Variants in ADGRB2 observed in about 807,000 individuals in gnomAD.
ADGRB2 encodes the protein brain-specific angiogenesis inhibitor 2.
ADGRB2 carries 47 observed loss-of-function variants against 178.7 expected under a neutral mutation model. That is an observed-to-expected ratio of 0.26 (90% CI 0.21 to 0.34). ADGRB2 has a LOEUF of 0.34. Among genes scored for constraint, ADGRB2 ranks in the 10% least tolerant of loss-of-function variants. The probability of loss-of-function intolerance (pLI) is 1.00; values close to 1 mark genes in which losing one functional copy is unlikely to be tolerated. For synonymous variants in ADGRB2, 870 were observed against 912.4 expected, an observed-to-expected ratio of 0.95 and a Z score of 0.84; for missense variants, 1,584 against 2,180.8, an observed-to-expected ratio of 0.73 and a Z score of 5.45.
At chr1:31,738,076 C>T in intron 18 of ADGRB2, 124 bp downstream of exon 18, 1 of 1,405,536 alleles carries the variant, frequency 7.1e-7, no homozygotes, top group Non-Finnish European at 9.6e-7. Context: ...ACGTACAATC[C>T]CACAAGCGCA....
Position 31,740,895 on chromosome 1 carries a change from G to GCACACACACATACACA in ADGRB2, c.1795-355_1795-354insTGTGTATGTGTGTGTG, listed in dbSNP as rs1553185116. Among the ~76,000 whole-genome samples the GCACACACACATACACA allele has an allele frequency of 2.1e-5, 3 of 140,482 alleles. No homozygotes were observed. In the South Asian group the frequency reaches 7.1e-4, roughly 33 times the overall value. 92.2% of individuals were successfully genotyped at this position (140,482 alleles called of 152,430 possible). A position where few individuals can be genotyped will look rare whatever the true frequency, so the allele number is the denominator to read the frequency against. ...AATGAGCATGTGTGTGGGCGCGCGC[G>GCACACACACATACACA]CACACACACACACACACACACACAC... is the stretch of plus-strand genomic sequence containing the variant. On this transcript the variant is annotated intron_variant, in intron 11 of 32. Transcript: ENST00000373658. The surrounding 1 kb of genome is among the most constrained non-coding windows in gnomAD (Gnocchi z 5.9).
rs1223058390 is a variant in ADGRB2, at chr1:31,759,252, C to G, written c.-190-1741G>C. On this transcript the variant is annotated intron_variant, in intron 1 of 32. Transcript: ENST00000373658. This position sits in a 1 kb window ranked among gnomAD's most constrained non-coding sequence, Gnocchi z 4.3. ...ACACTCAGGAGTTAACACGCACACACAGGGGTGTAGAGGCTTACACTTGTA... is the reference window on the plus strand; with the variant it reads ...ACACTCAGGAGTTAACACGCACACAGAGGGGTGTAGAGGCTTACACTTGTA... The G allele has an allele frequency of 1.3e-6, 1 of 775,006 alleles. No homozygotes were observed. Among genetic ancestry groups the G allele is most frequent in the Non-Finnish European group, 2.4e-6 (1 of 414,332 alleles). 48.0% of individuals were successfully genotyped at this position (775,006 alleles called of 1,614,324 possible).
At chr1:31,762,188 G>C (rs74065920) in intron 1 of ADGRB2, among the ~76,000 whole-genome samples, 10,629 of 152,072 alleles carry the variant, frequency 0.07, 1,167 homozygotes, top group African/African-American at 0.23. Context: ...ACAGAAAGGG[G>C]GCAGAAGAGA....
intron 4 of ADGRB2, among the ~76,000 whole-genome samples, chr1:31,751,958 A>G (rs962382560): frequency 3.9e-5 from 6 of 151,930 alleles, no homozygotes; most frequent in African/African-American, 1.5e-4. Context: ...CTCTCACTGA[A>G]CCCTCCCCAC....
intron 4 of ADGRB2, among the ~76,000 whole-genome samples, chr1:31,748,708 C>T (rs145844814): frequency 2.0e-5 from 3 of 152,382 alleles, no homozygotes; most frequent in South Asian, 2.1e-4. Flanking sequence ...TCAGCTTTCC[C>T]GTCGGGCTGC....
intron 4 of ADGRB2, among the ~76,000 whole-genome samples, chr1:31,745,760 G>A (rs929558854): frequency 4.6e-5 from 7 of 152,204 alleles, no homozygotes; most frequent in Non-Finnish European, 8.8e-5. Flanking sequence ...GTACTGGACA[G>A]GCACGCTGAG....
rs1645267230 is a variant in ADGRB2, at chr1:31,731,244, C to T, written c.3936G>A (p.Leu1312=). The T allele has an allele frequency of 6.2e-7, 1 of 1,607,828 alleles. No homozygotes were observed. Among genetic ancestry groups the T allele is most frequent in the Admixed American group, 1.7e-5 (1 of 59,388 alleles). Residue 1312 remains leucine (L), a synonymous_variant, in exon 29 of 33, where the codon CTG becomes CTA. Coordinates refer to ENST00000373658, the MANE Select transcript of ADGRB2 (RefSeq NM_001364857.2). Reference sequence around the variant, plus strand: ...CCTCCTGTGGGGGCGGAGGCTCCCCCAGCCCTGGTGAGGCTGCCATGGGCA... The same window carrying T: ...CCTCCTGTGGGGGCGGAGGCTCCCCTAGCCCTGGTGAGGCTGCCATGGGCA... The part of the protein sequence containing the change: ...ILVPMAASPG[L]GEPPPPQEAN...
rs1156637262 is a variant in ADGRB2, at chr1:31,753,629, G to A, written c.838+2370C>T. On this transcript the variant is annotated intron_variant, in intron 4 of 32. Coordinates refer to ENST00000373658, the MANE Select transcript of ADGRB2 (RefSeq NM_001364857.2). This position sits in a 1 kb window ranked among gnomAD's most constrained non-coding sequence, Gnocchi z 4.1. ...TGCTCTCAGTCTGGCAGCTGCAGGT[G>A]CCAGTCCATTCTCCTGCAGCCCAGT... 6.6e-6 allele frequency among the ~76,000 whole-genome samples: 1 copy of A among 152,200 alleles called. No individual in the cohort carries two copies. Among genetic ancestry groups the A allele is most frequent in the Non-Finnish European group, 1.5e-5 (1 of 68,028 alleles).
intron 4 of ADGRB2, among the ~76,000 whole-genome samples, chr1:31,747,963 CT>C (rs990786414): frequency 6.6e-6 from 1 of 152,260 alleles, no homozygotes; most frequent in Admixed American, 6.5e-5. Flanking sequence ...GCAAATCCAG[CT>C]GAGAGTCCTC....
chr1:31,740,456 G>C lies in ADGRB2; in HGVS notation c.1880C>G (p.Ala627Gly), dbSNP rs747902956. The C allele has an allele frequency of 1.9e-6, 3 of 1,613,572 alleles. No individual in the cohort carries two copies. Among genetic ancestry groups the C allele is most frequent in the Non-Finnish European group, 2.5e-6 (3 of 1,179,932 alleles). ...QVVRSLQELLARRTYYSGDLL... is the reference protein window; with the variant it reads ...QVVRSLQELLGRRTYYSGDLL... ...GTCCCCACTATAGTAGGTGCGCCGGGCCAGTAGCTCCTGCAGGCTGCGCAC... is the reference window on the plus strand; with the variant it reads ...GTCCCCACTATAGTAGGTGCGCCGGCCCAGTAGCTCCTGCAGGCTGCGCAC... Residue 627 changes from alanine to glycine, a missense_variant, in exon 12 of 33, where the codon GCC becomes GGC. Ala to Gly is a moderately conservative substitution (Grantham distance 60). This residue lies in a region of ADGRB2 where 62 missense variants were observed against 140.3 expected (regional missense o/e 0.44). Transcript: ENST00000373658. This position sits in a 1 kb window ranked among gnomAD's most constrained non-coding sequence, Gnocchi z 5.9.
rs553216201 is a variant in ADGRB2 at position 31,740,477 on chromosome 1, C to T, written c.1859G>A (p.Arg620His). ...LAGEGMSQVV[R>H]SLQELLARRT... ...CCGGGCCAGTAGCTCCTGCAGGCTG[C>T]GCACCACCTGCGACATGCCCTCGCC... Residue 620 changes from arginine to histidine, a missense_variant, in exon 12 of 33, where the codon CGC becomes CAC. Transcript: ENST00000373658. The surrounding 1 kb of genome is among the most constrained non-coding windows in gnomAD (Gnocchi z 5.9). 2.5e-6 allele frequency: 4 copies of T among 1,613,058 alleles called. No homozygotes were observed. The highest frequency in any genetic ancestry group is 1.7e-5 in the Admixed American group (1 of 59,932).
At position 31,758,887 on chromosome 1, in the gene ADGRB2, G is replaced by T. The variant is rs527982749; in HGVS notation, c.-190-1376C>A. On this transcript the variant is annotated intron_variant, in intron 1 of 32. Transcript: ENST00000373658. This position sits in a 1 kb window ranked among gnomAD's most constrained non-coding sequence, Gnocchi z 4.2. The stretch of plus-strand genomic sequence containing the variant: ...CCACACTGCTCAGCTCGCCCCACCT[G>T]CTGCGGCACTAGCCAAGCCAGCGGC... Among the ~76,000 whole-genome samples the T allele has an allele frequency of 6.6e-6, 1 of 152,314 alleles. No homozygotes were observed. The highest frequency in any genetic ancestry group is 2.4e-5 in the African/African-American group (1 of 41,558).
At chr1:31,730,762 A>C in intron 29 of ADGRB2, 38 bp downstream of exon 29, 2 of 1,419,050 alleles carry the variant, frequency 1.4e-6, no homozygotes, top group Non-Finnish European at 1.8e-6. Flanking sequence ...TGATTGACAC[A>C]GTCTCAGACA....
rs148253895 is a variant in ADGRB2 at position 31,728,879 on chromosome 1, A to C, written c.4381-246T>G. ...TGGCATGGTGCGGACTTCCAACATG[A>C]CAGGCCCAGATGCCCACATGGAATC... is the stretch of plus-strand genomic sequence containing the variant. On this transcript the variant is annotated intron_variant, in intron 29 of 32. Coordinates refer to ENST00000373658, the MANE Select transcript of ADGRB2 (RefSeq NM_001364857.2). The surrounding 1 kb of genome is among the most constrained non-coding windows in gnomAD (Gnocchi z 6.7). Among the ~76,000 whole-genome samples the C allele has an allele frequency of 1.4e-3, 208 of 149,552 alleles. No individual in the cohort carries two copies. Among genetic ancestry groups the C allele is most frequent in the Middle Eastern group, 0.01 (3 of 292 alleles).
In ADGRB2 at chr1:31,728,482, T is replaced by G. The variant is rs983311949; in HGVS notation, c.4416+116A>C. 7.3e-6 allele frequency: 11 copies of G among 1,506,930 alleles called. No homozygotes were observed. Among genetic ancestry groups the G allele is most frequent in the Non-Finnish European group, 7.4e-6 (8 of 1,084,178 alleles). 93.3% of individuals were successfully genotyped at this position (1,506,930 alleles called of 1,614,324 possible). On this transcript the variant is annotated intron_variant, in intron 30 of 32. Coordinates refer to ENST00000373658, the MANE Select transcript of ADGRB2 (RefSeq NM_001364857.2). This position sits in a 1 kb window ranked among gnomAD's most constrained non-coding sequence, Gnocchi z 6.7. ...GGAAGATCCCACGGAACCCCCGGGC[T>G]TGGGCTCCTGGGGTCAGGCTCTGCA...
Position 31,747,199 on chromosome 1 carries a change from C to T in ADGRB2, c.839-2468G>A, listed in dbSNP as rs111339049. On this transcript the variant is annotated intron_variant, in intron 4 of 32. Transcript: ENST00000373658. ...TCCTGGTTTCCCACCTCTCTAGCTA[C>T]TCTGTCCCCATCTCCTTGAGGGGTC... is the stretch of plus-strand genomic sequence containing the variant. Among the ~76,000 whole-genome samples the T allele has an allele frequency of 4.4e-3, 675 of 152,234 alleles. 7 individuals carry two copies. Among genetic ancestry groups the T allele is most frequent in the East Asian group, 0.035 (179 of 5,172 alleles).
chr1:31,743,164 C>G (rs948746594), intron 6 of ADGRB2, among the ~76,000 whole-genome samples, 162 bp from the exon 7 acceptor site: 1 of 152,172 alleles, frequency 6.6e-6, no homozygotes, highest in Admixed American at 6.5e-5. Context: ...AGGGCCCCAC[C>G]AAGGCGCGAC....
At chr1:31,736,189 G>GT (rs753234334) in intron 22 of ADGRB2, 132 bp downstream of exon 22, 3 of 1,135,742 alleles carry the variant, frequency 2.6e-6, no homozygotes, top group Non-Finnish European at 3.9e-6. Context: ...CAGGGAAACT[G>GT]AAGCTCAGAA....
In ADGRB2 at chr1:31,728,100, G is replaced by A. The variant is rs1400374567; in HGVS notation, c.4516-19C>T. 3.1e-6 allele frequency: 5 copies of A among 1,611,282 alleles called. No individual in the cohort carries two copies. The African/African-American group carries it at 6.7e-5, about 22-fold the overall frequency. Reference sequence around the variant, plus strand: ...TCTCCCTCTGCAACGGGGGCCACCGGTCAGGCTCCAACCCCAGGGGCCACT... The same window carrying A: ...TCTCCCTCTGCAACGGGGGCCACCGATCAGGCTCCAACCCCAGGGGCCACT... On this transcript the variant is annotated intron_variant, in intron 31 of 32. Transcript: ENST00000373658. The surrounding 1 kb of genome is among the most constrained non-coding windows in gnomAD (Gnocchi z 6.7).
Sources: gnomAD v4.1 joint callset for allele counts (sites outside exome capture counted in the v4.1 genomes callset) on GRCh38, gnomAD v4.1.1 for gene constraint, gnomAD v4.1.1 regional missense constraint, Gnocchi (gnomAD v3.1) non-coding constraint, MANE v1.5 for transcripts, NCBI Gene and HGNC (gene_info 2026-07-23, HGNC 2026-07-21) for gene names.